Variants in ZBTB25 observed in about 807,000 individuals in gnomAD.
ZBTB25 encodes the protein zinc finger and BTB domain-containing protein 25.
A neutral mutation model predicts 34.2 loss-of-function variants in ZBTB25; 20 were observed. The ratio of observed to expected loss-of-function variants is 0.58; its 90% CI spans 0.41 to 0.85. ZBTB25 has a LOEUF of 0.85. Among genes scored for constraint, ZBTB25 ranks in the 40% least tolerant of loss-of-function variants. ZBTB25 has a pLI of 0.00. For synonymous variants in ZBTB25, 175 were observed against 186.4 expected, an observed-to-expected ratio of 0.94 and a Z score of 0.50; for missense variants, 437 against 521.8, an observed-to-expected ratio of 0.84 and a Z score of 1.58.
chr14:64,469,541 A>G (rs761229315), intron 2 of ZBTB25: 3 of 1,614,006 alleles, frequency 1.9e-6, no homozygotes, highest in Non-Finnish European at 2.5e-6. Flanking sequence ...TTTTGAGGAT[A>G]GAACTTCAGA....
rs1363012236 is a variant in ZBTB25, at chr14:64,486,707, T to C, written c.*216A>G. 14 of 1,196,254 alleles carry C rather than the reference T, an allele frequency of 1.2e-5. No individual in the cohort carries two copies. Among genetic ancestry groups the C allele is most frequent in the African/African-American group, 1.6e-5 (1 of 63,664 alleles). 74.1% of individuals were successfully genotyped at this position (1,196,254 alleles called of 1,614,324 possible). On this transcript the variant is annotated 3_prime_UTR_variant, in exon 3 of 3. Coordinates refer to ENST00000608382, the MANE Select transcript of ZBTB25 (RefSeq NM_006977.5). Reference sequence around the variant, plus strand: ...CTGATTTCTAAATTGTTATTTCGTTTGTGAAAAGTTCACAGTAGTAATTGA... The same window carrying C: ...CTGATTTCTAAATTGTTATTTCGTTCGTGAAAAGTTCACAGTAGTAATTGA...
Position 64,481,587 on chromosome 14 carries a change from G to A in ZBTB25, c.*5336C>T, listed in dbSNP as rs1458910858. ...ACTTTATTTAGCACAAAATAGAGGA[G>A]TTGATGACAGTTAATGTCAATTGCA... On this transcript the variant is annotated 3_prime_UTR_variant, in exon 3 of 3. Transcript: ENST00000608382. 6.6e-6 allele frequency: 1 copy of A among 152,214 alleles called. No homozygotes were observed. The highest frequency in any genetic ancestry group is 1.5e-5 in the Non-Finnish European group (1 of 68,038). The allele number at this position is 152,214 out of a possible 1,614,324, so 9.4% of individuals were successfully genotyped here.
At chr14:64,504,763 G>T, upstream of ZBTB25, 1 of 377,152 alleles carries the variant, frequency 2.7e-6, no homozygotes, top group Non-Finnish European at 4.7e-6. Context: ...GGCAGCGGAA[G>T]TCCTTTGTTG....
At chr14:64,459,157 G>A (rs2078522820) in intron 2 of ZBTB25, among the ~76,000 whole-genome samples, 1 of 152,198 alleles carries the variant, frequency 6.6e-6, no homozygotes, top group Non-Finnish European at 1.5e-5. Flanking sequence ...TTTCAGACGT[G>A]CAAGGGTTTG....
At chr14:64,501,402 G>C (rs1390102085) in intron 1 of ZBTB25, among the ~76,000 whole-genome samples, 1 of 152,130 alleles carries the variant, frequency 6.6e-6, no homozygotes. Flanking sequence ...AAAAAGCCAG[G>C]TCTGTCTCCA....
intron 2 of ZBTB25, among the ~76,000 whole-genome samples, chr14:64,450,679 C>A (rs1267267081): frequency 6.6e-6 from 1 of 152,220 alleles, no homozygotes; most frequent in East Asian, 1.9e-4. Flanking sequence ...TTTTCCTATT[C>A]TCTAGGCTAG....
Position 64,485,694 on chromosome 14 carries a change from T to G in ZBTB25, c.*1229A>C, listed in dbSNP as rs771227334. 42 of 985,146 alleles carry G rather than the reference T, an allele frequency of 4.3e-5. No homozygotes were observed. The highest frequency in any genetic ancestry group is 5.1e-5 in the Non-Finnish European group (42 of 829,860). 61.0% of individuals were successfully genotyped at this position (985,146 alleles called of 1,614,324 possible). On this transcript the variant is annotated 3_prime_UTR_variant, in exon 3 of 3. Transcript: ENST00000608382. ...AAGTGAAAACTGTGCCACTGAAAAA[T>G]TACTTTTTCAGTGATTTTTAGAAAA...
At chr14:64,499,014 G>A (rs890432991) in intron 1 of ZBTB25, among the ~76,000 whole-genome samples, 3 of 152,110 alleles carry the variant, frequency 2.0e-5, no homozygotes, top group Admixed American at 2.0e-4. Context: ...AAGAACACGG[G>A]ACCAAGGAAA....
chr14:64,451,788 A>G (rs1249135615), intron 2 of ZBTB25, among the ~76,000 whole-genome samples: 2 of 152,220 alleles, frequency 1.3e-5, no homozygotes, highest in Admixed American at 6.5e-5. Flanking sequence ...CCCTTCAACC[A>G]AAGTGCTTTT....
At chr14:64,470,421 C>A in intron 2 of ZBTB25, 1 of 159,616 alleles carries the variant, frequency 6.3e-6, no homozygotes. Flanking sequence ...GAAACCCCAT[C>A]TCTACTGAAA....
chr14:64,494,044 TA>T (rs972778479), intron 1 of ZBTB25, among the ~76,000 whole-genome samples: 7 of 151,048 alleles, frequency 4.6e-5, no homozygotes, highest in African/African-American at 1.5e-4. Flanking sequence ...ATGAAAATAA[TA>T]AAGTAGACTA....
In ZBTB25 at chr14:64,487,652, C is replaced by A; in HGVS notation, c.579G>T (p.Leu193=). 4 of 1,605,636 alleles carry A rather than the reference C, an allele frequency of 2.5e-6. No individual in the cohort carries two copies. The highest frequency in any genetic ancestry group is 3.4e-6 in the Non-Finnish European group (4 of 1,176,196). Residue 193 remains leucine, a synonymous_variant, in exon 3 of 3, where the codon CTG becomes CTT. Coordinates refer to ENST00000608382, the MANE Select transcript of ZBTB25 (RefSeq NM_006977.5). ...AAACTGGGGGCTTCTGGTGCTCCTC[C>A]AGGGCCTGGGTGGCAGGACAGGCCC... ...QQRACPATQA[L]EEHQKPPVSI...
chr14:64,453,228 T>C (rs1435368303), intron 2 of ZBTB25, among the ~76,000 whole-genome samples: 1 of 152,160 alleles, frequency 6.6e-6, no homozygotes, highest in Non-Finnish European at 1.5e-5. Flanking sequence ...ATAAAAACTT[T>C]ACCTCTGTGG....
intron 1 of ZBTB25, 88 bp downstream of exon 1, chr14:64,503,573 G>C: frequency 2.0e-6 from 2 of 986,006 alleles, no homozygotes; most frequent in Non-Finnish European, 2.4e-6. Context: ...CCCGCGACTG[G>C]TGCAGCTGCA....
chr14:64,467,744 G>A (rs2078626060), intron 2 of ZBTB25: 1 of 151,980 alleles, frequency 6.6e-6, no homozygotes, highest in Non-Finnish European at 1.5e-5. Context: ...AAAGTCCTTT[G>A]CAGCTTTAAA....
intron 2 of ZBTB25, among the ~76,000 whole-genome samples, chr14:64,452,518 G>T (rs1328223987): frequency 6.6e-6 from 1 of 152,170 alleles, no homozygotes; most frequent in Non-Finnish European, 1.5e-5. Context: ...TGAAGGCTTT[G>T]CCCCGGAGGA....
At chr14:64,457,935 G>T (rs2078501704) in intron 2 of ZBTB25, 1 of 545,470 alleles carries the variant, frequency 1.8e-6, no homozygotes, top group African/African-American at 1.9e-5. Flanking sequence ...GCCTTGCTCT[G>T]TCGCCCAGGC....
intron 2 of ZBTB25, chr14:64,458,766 C>T (rs2078516179): frequency 4.9e-6 from 1 of 204,348 alleles, no homozygotes; most frequent in Non-Finnish European, 1.0e-5. Context: ...CAGGACCAAT[C>T]TGGCAGTTCT....
intron 2 of ZBTB25, chr14:64,471,237 C>G (rs2078667462): frequency 6.5e-6 from 1 of 154,906 alleles, no homozygotes; most frequent in Non-Finnish European, 1.5e-5. Context: ...ACTGCAAGCT[C>G]CACCTCCTGG....
Sources: gnomAD v4.1 joint callset for allele counts (sites outside exome capture counted in the v4.1 genomes callset) on GRCh38, gnomAD v4.1.1 for gene constraint, MANE v1.5 for transcripts, NCBI Gene and HGNC (gene_info 2026-07-23, HGNC 2026-07-21) for gene names.